Variants in DNAJC1 observed in about 807,000 individuals in gnomAD.
DNAJC1 encodes the protein dnaJ homolog subfamily C member 1.
DNAJC1 carries 58 observed loss-of-function variants against 76.6 expected under a neutral mutation model. That is an observed-to-expected ratio of 0.76 (90% CI 0.61 to 0.94). The LOEUF is 0.94. DNAJC1 is among the 40% of genes least tolerant of loss of function. The pLI is 0.00. For synonymous variants in DNAJC1, 258 were observed against 267.9 expected (o/e 0.96, Z 0.36); for missense variants, 689 against 677.3 (o/e 1.02, Z -0.19).
Position 21,920,854 on chromosome 10 carries a change from T to A in DNAJC1, c.481A>T (p.Ile161Phe). The change falls in exon 4 of 12, where the codon ATT becomes TTT. Residue 161 changes from isoleucine to phenylalanine, a missense_variant. Ile to Phe is a conservative substitution (Grantham distance 21, BLOSUM62 0). Coordinates refer to ENST00000376980, the MANE Select transcript of DNAJC1 (RefSeq NM_022365.4). Reference sequence around the variant, plus strand: ...ACAGCATAATGACCCACTGTGAGAATAATGAACAAGAGTAATGCCAGCTCA... The same window carrying A: ...ACAGCATAATGACCCACTGTGAGAAAAATGAACAAGAGTAATGCCAGCTCA... ...NAELALLLFI[I>F]LTVGHYAVVW... is the part of the protein sequence containing the mutation. 1.2e-6 allele frequency: 2 copies of A among 1,613,120 alleles called. No homozygotes were observed. The highest frequency in any genetic ancestry group is 1.7e-6 in the Non-Finnish European group (2 of 1,179,316).
intron 1 of DNAJC1, among the ~76,000 whole-genome samples, chr10:21,968,486 T>C (rs1313878181): frequency 2.0e-5 from 3 of 151,960 alleles, no homozygotes; most frequent in Non-Finnish European, 2.9e-5. Context: ...CTTTAAATTC[T>C]CTAAATTCAT....
chr10:21,877,464 G>C (rs896613418), intron 8 of DNAJC1, among the ~76,000 whole-genome samples: 1 of 151,902 alleles, frequency 6.6e-6, no homozygotes, highest in Non-Finnish European at 1.5e-5. Flanking sequence ...AATACAGAAA[G>C]AACTCTTTAT....
chr10:21,784,394 G>C (rs916663102), intron 9 of DNAJC1, among the ~76,000 whole-genome samples: 5 of 152,116 alleles, frequency 3.3e-5, no homozygotes, highest in African/African-American at 7.2e-5. Flanking sequence ...TAAAAAGTCA[G>C]GAAACAATAG....
chr10:21,841,874 G>T (rs61851881), intron 8 of DNAJC1, among the ~76,000 whole-genome samples: 3 of 152,074 alleles, frequency 2.0e-5, no homozygotes, highest in Non-Finnish European at 4.4e-5. Context: ...TAGACTGGAT[G>T]AAGAAAATGT....
At chr10:21,866,139 A>G (rs1360901026) in intron 8 of DNAJC1, among the ~76,000 whole-genome samples, 6 of 150,536 alleles carry the variant, frequency 4.0e-5, no homozygotes, top group Admixed American at 1.3e-4. Context: ...CAACTCAAAA[A>G]AAAAAAAAAA....
intron 7 of DNAJC1, among the ~76,000 whole-genome samples, chr10:21,888,341 G>A (rs773179458): frequency 6.1e-4 from 93 of 152,052 alleles, no homozygotes; most frequent in Non-Finnish European, 1.1e-3. Flanking sequence ...TCCTCAAAGA[G>A]CTAAAAGCAG....
intron 1 of DNAJC1, among the ~76,000 whole-genome samples, chr10:21,948,044 T>A (rs1319500678): frequency 1.3e-5 from 2 of 151,490 alleles, no homozygotes; most frequent in Non-Finnish European, 2.9e-5. Flanking sequence ...ATATGGGATA[T>A]AATAAAAGTA....
At chr10:21,898,830 A>G (rs1377080998) in intron 7 of DNAJC1, among the ~76,000 whole-genome samples, 2 of 151,216 alleles carry the variant, frequency 1.3e-5, no homozygotes, top group Admixed American at 6.6e-5. Flanking sequence ...TATTCCTTCT[A>G]CTTACTAAAA....
intron 8 of DNAJC1, among the ~76,000 whole-genome samples, chr10:21,858,206 C>A (rs78453723): frequency 1.3e-5 from 2 of 151,736 alleles, no homozygotes; most frequent in East Asian, 3.9e-4. Flanking sequence ...CATTATCTCT[C>A]AAAACAAAAA....
intron 9 of DNAJC1, among the ~76,000 whole-genome samples, chr10:21,801,891 A>G (rs932962418): frequency 2.0e-5 from 3 of 152,206 alleles, no homozygotes; most frequent in South Asian, 2.1e-4. Flanking sequence ...ACGCAGGAAT[A>G]AAAAACCAAA....
chr10:21,986,367 T>C (rs1838248003), intron 1 of DNAJC1, among the ~76,000 whole-genome samples: 1 of 152,246 alleles, frequency 6.6e-6, no homozygotes, highest in Admixed American at 6.5e-5. Context: ...TAATATGTTA[T>C]CTCCTTATGG....
intron 8 of DNAJC1, among the ~76,000 whole-genome samples, chr10:21,865,049 A>G (rs561380020): frequency 6.6e-6 from 1 of 152,256 alleles, no homozygotes; most frequent in African/African-American, 2.4e-5. Flanking sequence ...GACTAAAATT[A>G]AAGAGGGTGA....
chr10:21,947,577 T>C (rs1018607493), intron 1 of DNAJC1, among the ~76,000 whole-genome samples: 2 of 152,228 alleles, frequency 1.3e-5, no homozygotes, highest in East Asian at 3.8e-4. Context: ...TATAACGTGT[T>C]AATTGTTTAT....
intron 8 of DNAJC1, among the ~76,000 whole-genome samples, chr10:21,871,537 T>C (rs1251005219): frequency 6.6e-6 from 1 of 152,026 alleles, no homozygotes; most frequent in African/African-American, 2.4e-5. Flanking sequence ...TTCAGAAAAC[T>C]CACTAAAAAC....
At chr10:21,865,179 A>C (rs181846388) in intron 8 of DNAJC1, among the ~76,000 whole-genome samples, 33 of 152,266 alleles carry the variant, frequency 2.2e-4, no homozygotes, top group Admixed American at 1.2e-3. Flanking sequence ...TGGTTAAACT[A>C]TACCTATCAC....
At chr10:21,831,894 T>A (rs775328110) in intron 8 of DNAJC1, among the ~76,000 whole-genome samples, 1 of 152,126 alleles carries the variant, frequency 6.6e-6, no homozygotes, top group Non-Finnish European at 1.5e-5. Context: ...TTCTCAAGGA[T>A]TGATACATTT....
chr10:21,918,765 G>T lies in DNAJC1; in HGVS notation c.729+14C>A. 6.3e-7 allele frequency: 1 copy of T among 1,575,976 alleles called. No homozygotes were observed. Among genetic ancestry groups the T allele is most frequent in the Non-Finnish European group, 8.7e-7 (1 of 1,145,740 alleles). ...ATAAAAGATCTAATGTTATATAAAAGAGGTACATTTTACCTGGATGAGGTG... is the reference window on the plus strand; with the variant it reads ...ATAAAAGATCTAATGTTATATAAAATAGGTACATTTTACCTGGATGAGGTG... On this transcript the variant is annotated intron_variant, in intron 6 of 11. Coordinates refer to ENST00000376980, the MANE Select transcript of DNAJC1 (RefSeq NM_022365.4).
intron 8 of DNAJC1, among the ~76,000 whole-genome samples, chr10:21,841,944 G>C (rs576963376): frequency 4.6e-5 from 7 of 152,124 alleles, no homozygotes; most frequent in African/African-American, 1.2e-4. Context: ...CATGTCCTTT[G>C]TAGGGACATG....
At chr10:21,995,349 C>T (rs1838399317) in intron 1 of DNAJC1, among the ~76,000 whole-genome samples, 1 of 152,146 alleles carries the variant, frequency 6.6e-6, no homozygotes, top group Admixed American at 6.5e-5. Context: ...GACTACTGCT[C>T]ACTATACAGG....
Sources: allele counts gnomAD v4.1 joint callset (sites outside exome capture counted in the v4.1 genomes callset), GRCh38; gene constraint gnomAD v4.1.1; transcripts MANE v1.5; gene names NCBI Gene and HGNC (gene_info 2026-07-23, HGNC 2026-07-21).